TRANK1: variants seen among roughly 807,000 people sequenced by gnomAD.
The protein encoded by TRANK1 is TPR and ankyrin repeat-containing protein 1.
A neutral mutation model predicts 266.0 loss-of-function variants in TRANK1; 198 were observed. The ratio of observed to expected loss-of-function variants is 0.74; its 90% CI spans 0.66 to 0.84. TRANK1 has a LOEUF of 0.84. Among genes scored for constraint, TRANK1 ranks in the 40% least tolerant of loss-of-function variants. The pLI is 0.00. For synonymous variants in TRANK1, 1,396 were observed against 1,384.1 expected, an observed-to-expected ratio of 1.01 and a Z score of -0.19; for missense variants, 3,326 against 3,634.6, an observed-to-expected ratio of 0.92 and a Z score of 2.18.
At chr3:36,918,211 T>A (rs964984174) in intron 1 of TRANK1, among the ~76,000 whole-genome samples, 1 of 151,940 alleles carries the variant, frequency 6.6e-6, no homozygotes, top group African/African-American at 2.4e-5. Flanking sequence ...GTCAATTTCA[T>A]AGAAACAGAA....
Position 36,879,615 on chromosome 3 carries a change from C to CAAATATAT in TRANK1, c.908-5327_908-5320dup, listed in dbSNP as rs1185422704. 1.9e-3 allele frequency among the ~76,000 whole-genome samples: 106 copies of CAAATATAT among 54,810 alleles called. 19 individuals are homozygous for CAAATATAT. Among genetic ancestry groups the CAAATATAT allele is most frequent in the African/African-American group, 0.011 (88 of 8,204 alleles). 36.0% of individuals were successfully genotyped at this position (54,810 alleles called of 152,430 possible). On this transcript the variant is annotated intron_variant, in intron 8 of 23. Coordinates refer to ENST00000645898, the MANE Select transcript of TRANK1 (RefSeq NM_001329998.2). The stretch of plus-strand genomic sequence containing the variant: ...AAATATATAAATATATATAAATATA[C>CAAATATAT]AAATATATATAAATATATATAAATA...
intron 17 of TRANK1, among the ~76,000 whole-genome samples, chr3:36,844,969 G>C (rs1344941485): frequency 6.6e-6 from 1 of 151,888 alleles, no homozygotes; most frequent in Non-Finnish European, 1.5e-5. Flanking sequence ...CTTCATGAAG[G>C]GCTGATTATT....
At chr3:36,942,885 A>C (rs1247403854) in intron 1 of TRANK1, among the ~76,000 whole-genome samples, 1 of 151,812 alleles carries the variant, frequency 6.6e-6, no homozygotes, top group African/African-American at 2.4e-5. Flanking sequence ...AAAAAAAAAA[A>C]AAAAACATAG....
At chr3:36,851,018 G>A in intron 15 of TRANK1, 1 of 985,520 alleles carries the variant, frequency 1.0e-6, no homozygotes, top group Non-Finnish European at 1.2e-6. Flanking sequence ...AGAAAACAGT[G>A]GCTAGAAAAC....
At chr3:36,936,786 G>T (rs990124346) in intron 1 of TRANK1, among the ~76,000 whole-genome samples, 2 of 152,084 alleles carry the variant, frequency 1.3e-5, no homozygotes, top group African/African-American at 4.8e-5. Context: ...ACCAAGCCAG[G>T]AAAATGCTCA....
chr3:36,828,719 T>C (rs1275651521), intron 23 of TRANK1, among the ~76,000 whole-genome samples: 2 of 152,332 alleles, frequency 1.3e-5, no homozygotes, highest in East Asian at 3.9e-4. Flanking sequence ...TGCCCTATTT[T>C]AGAGGCCTTT....
chr3:36,935,283 T>A (rs1322801778), intron 1 of TRANK1, among the ~76,000 whole-genome samples: 1 of 152,170 alleles, frequency 6.6e-6, no homozygotes, highest in Non-Finnish European at 1.5e-5. Flanking sequence ...TAAGGTCCTG[T>A]GTGTAGCTTT....
chr3:36,930,429 C>T (rs2080346061), intron 1 of TRANK1, among the ~76,000 whole-genome samples: 1 of 152,134 alleles, frequency 6.6e-6, no homozygotes, highest in Admixed American at 6.5e-5. Context: ...TTGGTTTTCG[C>T]CATGTGAAAC....
intron 9 of TRANK1, among the ~76,000 whole-genome samples, chr3:36,873,016 C>A (rs1243961821): frequency 1.3e-5 from 2 of 152,106 alleles, no homozygotes; most frequent in Non-Finnish European, 2.9e-5. Flanking sequence ...TTGTGAGGAA[C>A]AAGGTTTTAC....
At chr3:36,861,464 C>T (rs2079141331) in intron 10 of TRANK1, among the ~76,000 whole-genome samples, 1 of 152,070 alleles carries the variant, frequency 6.6e-6, no homozygotes, top group Non-Finnish European at 1.5e-5. Flanking sequence ...GGGCAAAAGC[C>T]TGACTTAAAT....
chr3:36,854,419 C>A (rs2079024290), intron 13 of TRANK1, among the ~76,000 whole-genome samples: 1 of 151,704 alleles, frequency 6.6e-6, no homozygotes, highest in Admixed American at 6.6e-5. Context: ...GGCAAAAATA[C>A]CCAGTTACAG....
chr3:36,923,866 G>T (rs1329606060), intron 1 of TRANK1, among the ~76,000 whole-genome samples: 1 of 152,148 alleles, frequency 6.6e-6, no homozygotes, highest in Non-Finnish European at 1.5e-5. Flanking sequence ...TCAGCAGCTG[G>T]CTTCTTAACC....
At chr3:36,858,399 A>G (rs79505599) in intron 12 of TRANK1, among the ~76,000 whole-genome samples, 3,136 of 152,360 alleles carry the variant, frequency 0.021, 56 homozygotes, top group Non-Finnish European at 0.033. Flanking sequence ...TGAAATGACC[A>G]TACAAGATTC....
chr3:36,902,715 A>G (rs529782386), intron 3 of TRANK1, among the ~76,000 whole-genome samples: 41 of 152,340 alleles, frequency 2.7e-4, no homozygotes, highest in African/African-American at 8.4e-4. Context: ...CCCAGCTTGC[A>G]TTTGAAGTAA....
intron 7 of TRANK1, among the ~76,000 whole-genome samples, chr3:36,891,592 T>C (rs150706882): frequency 2.4e-3 from 364 of 152,338 alleles, no homozygotes; most frequent in African/African-American, 7.7e-3. Context: ...AACAAACTTC[T>C]ATCTAAAGTG....
chr3:36,864,709 C>A (rs908653284), intron 9 of TRANK1, among the ~76,000 whole-genome samples: 1 of 152,136 alleles, frequency 6.6e-6, no homozygotes, highest in Non-Finnish European at 1.5e-5. Flanking sequence ...GATTTTTGTG[C>A]CCTTTCTAAG....
rs747203575 is a variant in TRANK1, at chr3:36,832,887, G to A, written c.6696C>T (p.Asn2232=). The change falls in exon 22 of 24, where the codon AAC becomes AAT. Residue 2232 remains asparagine, a synonymous_variant. Coordinates refer to ENST00000645898, the MANE Select transcript of TRANK1 (RefSeq NM_001329998.2). ...VQSKMNLVAI[N]GLLLEAKKVF... ...CTTTTTTGGCTTCCAAAAGCAACCCGTTGATTGCCACCAAGTTCATTTTCG... is the reference window on the plus strand; with the variant it reads ...CTTTTTTGGCTTCCAAAAGCAACCCATTGATTGCCACCAAGTTCATTTTCG... The A allele has an allele frequency of 9.5e-5, 153 of 1,613,838 alleles. 2 individuals carry two copies. Among genetic ancestry groups the A allele is most frequent in the South Asian group, 6.9e-4 (63 of 91,056 alleles).
intron 1 of TRANK1, among the ~76,000 whole-genome samples, chr3:36,936,813 G>A (rs1255301497): frequency 6.6e-6 from 1 of 151,934 alleles, no homozygotes; most frequent in Admixed American, 6.6e-5. Context: ...ACTGCTAAAG[G>A]GCAGACAGGA....
intron 15 of TRANK1, chr3:36,850,667 G>C (rs2078973490): frequency 1.1e-6 from 1 of 872,142 alleles, no homozygotes; most frequent in African/African-American, 1.8e-5. Context: ...TAACCTCAGA[G>C]GGTTGGTGGA....
Sources: gnomAD v4.1 joint callset for allele counts (sites outside exome capture counted in the v4.1 genomes callset) on GRCh38, gnomAD v4.1.1 for gene constraint, MANE v1.5 for transcripts, NCBI Gene and HGNC (gene_info 2026-07-23, HGNC 2026-07-21) for gene names.